SLC22A9: variants seen among roughly 807,000 people sequenced by gnomAD.
The protein encoded by SLC22A9 is solute carrier family 22 member 9, also known as organic anion transporter 7.
In SLC22A9, 64 loss-of-function variants were observed where a neutral mutation model predicts 50.1. That is an observed-to-expected ratio of 1.28 (90% CI 1.04 to 1.57). The LOEUF (loss-of-function observed/expected upper bound fraction) is 1.57, where lower values mean the gene tolerates loss of function less well. Among genes scored for constraint, SLC22A9 ranks in the 40% most tolerant of loss-of-function variants. The pLI is 0.00. For synonymous variants in SLC22A9, 261 were observed against 242.5 expected (o/e 1.08, Z -0.71); for missense variants, 757 against 676.1 (o/e 1.12, Z -1.33).
chr11:63,383,512 A>C lies in SLC22A9; in HGVS notation c.1073+1235A>C, dbSNP rs892016472. 2.0e-5 allele frequency among the ~76,000 whole-genome samples: 3 copies of C among 152,132 alleles called. No homozygotes were observed. The South Asian group carries it at 6.2e-4, about 32-fold the overall frequency. ...TGTTTGACAAGCCCCTAGAATCTCT[A>C]TTTGGGTTGATTGGTGAAGGTCTTT... On this transcript the variant is annotated intron_variant, in intron 6 of 9. Coordinates refer to ENST00000279178, the MANE Select transcript of SLC22A9 (RefSeq NM_080866.3).
chr11:63,390,051 G>A (rs2014737006), intron 6 of SLC22A9, among the ~76,000 whole-genome samples: 1 of 152,118 alleles, frequency 6.6e-6, no homozygotes, highest in African/African-American at 2.4e-5. Context: ...ATTTGTTTAA[G>A]TTCCTTGTAC....
chr11:63,374,668 C>T (rs1011354125), intron 4 of SLC22A9, among the ~76,000 whole-genome samples: 6 of 152,154 alleles, frequency 3.9e-5, no homozygotes, highest in African/African-American at 1.4e-4. Flanking sequence ...AAAATGTTTT[C>T]CCCAATACAG....
intron 6 of SLC22A9, among the ~76,000 whole-genome samples, chr11:63,406,279 C>T (rs7116119): frequency 0.33 from 49,718 of 151,976 alleles, 8,964 homozygotes; most frequent in East Asian, 0.74. Flanking sequence ...CTTCCAGCCT[C>T]TTCTCTAGTA....
intron 6 of SLC22A9, among the ~76,000 whole-genome samples, chr11:63,400,317 A>C (rs1349336131): frequency 5.9e-5 from 9 of 152,044 alleles, no homozygotes. Context: ...TGAAGATAAA[A>C]AAGAGATATT....
intron 6 of SLC22A9, among the ~76,000 whole-genome samples, chr11:63,396,856 G>T (rs2014867578): frequency 6.6e-6 from 1 of 152,078 alleles, no homozygotes; most frequent in Admixed American, 6.6e-5. Context: ...GTCTCTCCAG[G>T]ATTGGTCCCT....
chr11:63,387,342 T>C (rs1391688386), intron 6 of SLC22A9, among the ~76,000 whole-genome samples: 1 of 152,120 alleles, frequency 6.6e-6, no homozygotes, highest in Non-Finnish European at 1.5e-5. Context: ...AAGGATCTAG[T>C]TTCATTCTTC....
chr11:63,410,077 A>G lies in SLC22A9; in HGVS notation c.*215A>G, dbSNP rs2015114044. On this transcript the variant is annotated 3_prime_UTR_variant, in exon 10 of 10. Transcript: ENST00000279178. ...AACATGGTGAAACCCTGTCTCTACT[A>G]AAACAAATACAAAACTTCGCTGGGC... The G allele has an allele frequency of 2.4e-6, 1 of 418,260 alleles. No individual in the cohort carries two copies. Among genetic ancestry groups the G allele is most frequent in the South Asian group, 2.8e-5 (1 of 35,840 alleles). 25.9% of individuals were successfully genotyped at this position (418,260 alleles called of 1,614,324 possible).
At chr11:63,395,059 T>C (rs981397759) in intron 6 of SLC22A9, among the ~76,000 whole-genome samples, 3 of 152,020 alleles carry the variant, frequency 2.0e-5, no homozygotes, top group Admixed American at 6.6e-5. Flanking sequence ...ATTTTGCATT[T>C]CTATAAGTGT....
At chr11:63,372,861 T>C (rs2014387120) in intron 2 of SLC22A9, among the ~76,000 whole-genome samples, 1 of 152,164 alleles carries the variant, frequency 6.6e-6, no homozygotes, top group African/African-American at 2.4e-5. Context: ...AATTTATTAG[T>C]TCTAGTAGCT....
chr11:63,408,771 C>T lies in SLC22A9; in HGVS notation c.1493C>T (p.Pro498Leu), dbSNP rs1379875892. ...CTAAGTGTGTATTCTCCACCCCTGCCCTGGATCATCTATGGAGTCTTCCCC... is the reference window on the plus strand; with the variant it reads ...CTAAGTGTGTATTCTCCACCCCTGCTCTGGATCATCTATGGAGTCTTCCCC... ...MILSVYSPPL[P>L]WIIYGVFPFI... The change falls in exon 9 of 10, where the codon CCC (proline) becomes CTC (leucine). Residue 498 changes from proline to leucine, a missense_variant. Transcript: ENST00000279178. 7 of 1,613,890 alleles carry T rather than the reference C, an allele frequency of 4.3e-6. No homozygotes were observed. Among genetic ancestry groups the T allele is most frequent in the African/African-American group, 1.3e-5 (1 of 74,906 alleles).
At chr11:63,384,297 C>T (rs1006866103) in intron 6 of SLC22A9, among the ~76,000 whole-genome samples, 1 of 152,084 alleles carries the variant, frequency 6.6e-6, no homozygotes, top group African/African-American at 2.4e-5. Context: ...TCTTCCTGCA[C>T]CCAACCCCCA....
In SLC22A9 at chr11:63,382,900, C is replaced by T. The variant is rs542113010; in HGVS notation, c.1073+623C>T. ...GGTAAGAAGAGTAATTTCACCTGAC[C>T]CATGACAACCCCTTCCCAAAGTTGT... On this transcript the variant is annotated intron_variant, in intron 6 of 9. Coordinates refer to ENST00000279178, the MANE Select transcript of SLC22A9 (RefSeq NM_080866.3). Among the ~76,000 whole-genome samples the T allele has an allele frequency of 2.0e-5, 3 of 152,220 alleles. No individual in the cohort carries two copies. The South Asian group carries it at 6.2e-4, about 32-fold the overall frequency.
At chr11:63,406,406 A>G (rs1385637769) in intron 6 of SLC22A9, 91 bp from the exon 7 acceptor site, 9 of 1,160,086 alleles carry the variant, frequency 7.8e-6, no homozygotes, top group Non-Finnish European at 1.1e-5. Context: ...TACTTTAACA[A>G]TCCCTAGCTG....
chr11:63,373,862 G>T (rs774741815), intron 3 of SLC22A9, 32 bp from the exon 4 acceptor site: 8 of 1,607,750 alleles, frequency 5.0e-6, no homozygotes, highest in Non-Finnish European at 6.8e-6. Context: ...CTCCACCTTT[G>T]AAGTCAAAGC....
In SLC22A9 at chr11:63,408,880, GT is replaced by G; in HGVS notation, c.1601+2del. On this transcript the variant is annotated splice_donor_variant, in intron 9 of 9. Coordinates refer to ENST00000279178, the MANE Select transcript of SLC22A9 (RefSeq NM_080866.3). LOFTEE classifies it high-confidence loss of function. Reference sequence around the variant, plus strand: ...ACACCATCCAGGATGAGAAAAATGAGTGAGTAAATAGCCCGGTTGCCCCTCA... The same window carrying G: ...ACACCATCCAGGATGAGAAAAATGAGGAGTAAATAGCCCGGTTGCCCCTCA... 1 of 1,613,868 alleles carries G rather than the reference GT, an allele frequency of 6.2e-7. No individual in the cohort carries two copies. Among genetic ancestry groups the G allele is most frequent in the Non-Finnish European group, 8.5e-7 (1 of 1,179,840 alleles).
intron 5 of SLC22A9, among the ~76,000 whole-genome samples, chr11:63,379,196 A>G (rs1234007546): frequency 6.6e-6 from 1 of 152,202 alleles, no homozygotes; most frequent in African/African-American, 2.4e-5. Context: ...AATAGGCTAG[A>G]GCACTGAGAA....
chr11:63,399,053 C>A (rs1031087121), intron 6 of SLC22A9, among the ~76,000 whole-genome samples: 2 of 152,040 alleles, frequency 1.3e-5, no homozygotes, highest in African/African-American at 4.8e-5. Context: ...CAAATAGTCT[C>A]TAATAGATAC....
chr11:63,392,558 T>A (rs1450954786), intron 6 of SLC22A9, among the ~76,000 whole-genome samples: 1 of 152,032 alleles, frequency 6.6e-6, no homozygotes, highest in Non-Finnish European at 1.5e-5. Context: ...TCTCTCCTGG[T>A]CTTTAAAATT....
intron 5 of SLC22A9, among the ~76,000 whole-genome samples, chr11:63,378,291 T>C (rs1565182433): frequency 6.7e-6 from 1 of 149,764 alleles, no homozygotes; most frequent in African/African-American, 2.5e-5. Context: ...ATCAACCCAA[T>C]AGACAGAGAA....
Sources: allele counts gnomAD v4.1 joint callset (sites outside exome capture counted in the v4.1 genomes callset), GRCh38; gene constraint gnomAD v4.1.1; transcripts MANE v1.5; gene names NCBI Gene and HGNC (gene_info 2026-07-23, HGNC 2026-07-21).